NUTM2B: variants seen among roughly 807,000 people sequenced by gnomAD.
The protein encoded by NUTM2B is NUT family member 2B, also known as family with sequence similarity 22, member B.
NUTM2B carries 2 observed loss-of-function variants against 42.4 expected under a neutral mutation model. The observed-to-expected ratio is 0.05, with a 90% CI of 0.02 to 0.15. The LOEUF (loss-of-function observed/expected upper bound fraction) is 0.15. Ranked by LOEUF, NUTM2B falls within the 10% of genes least tolerant of loss-of-function variation. NUTM2B has a pLI of 1.00. For missense variants in NUTM2B, 58 were observed against 952.6 expected (o/e 0.06, Z 12.36); for synonymous variants, 18 against 402.4 (o/e 0.04, Z 11.43).
chr10:79,710,789 T>TCTGCTGGATTCCAGGGGC, intron 5 of NUTM2B, 25 bp downstream of exon 5: 1 of 1,194,470 alleles, frequency 8.4e-7, no homozygotes, highest in Non-Finnish European at 1.1e-6. Flanking sequence ...AGTGCTGGGG[T>TCTGCTGGATTCCAGGGGC]CTGCTGGATT....
chr10:79,698,851 G>A (rs539002015), upstream of NUTM2B, among the ~76,000 whole-genome samples: 4 of 150,560 alleles, frequency 2.7e-5, no homozygotes, highest in African/African-American at 7.3e-5. Flanking sequence ...AAATATACCC[G>A]CGATTAACTA....
upstream of NUTM2B, among the ~76,000 whole-genome samples, chr10:79,700,415 T>A (rs1335072046): frequency 1.2e-4 from 18 of 152,252 alleles, no homozygotes; most frequent in Admixed American, 3.3e-4. Flanking sequence ...ACTTTGAGGT[T>A]CCCACTGCAT....
At chr10:79,699,936 C>A (rs1292931932), upstream of NUTM2B, among the ~76,000 whole-genome samples, 2 of 152,372 alleles carry the variant, frequency 1.3e-5, no homozygotes, top group Admixed American at 1.3e-4. Context: ...ATCTTCCTGA[C>A]ATTCTCAAGT....
intron 3 of NUTM2B, among the ~76,000 whole-genome samples, chr10:79,709,380 C>T (rs1469585646): frequency 3.7e-5 from 5 of 135,648 alleles, no homozygotes; most frequent in African/African-American, 1.4e-4. Context: ...TCAGCTTTTG[C>T]TTCCTCCTGA....
At chr10:79,700,834 G>T (rs1437197228), upstream of NUTM2B, among the ~76,000 whole-genome samples, 1 of 152,192 alleles carries the variant, frequency 6.6e-6, no homozygotes, top group Non-Finnish European at 1.5e-5. Context: ...GGCAGGCCAG[G>T]AGCCCGCCCT....
chr10:79,700,738 G>C (rs572248462), upstream of NUTM2B, among the ~76,000 whole-genome samples: 4 of 152,230 alleles, frequency 2.6e-5, no homozygotes, highest in Non-Finnish European at 5.9e-5. Flanking sequence ...GCCATCAACC[G>C]CCGCAACCGG....
chr10:79,693,146 C>T, the NUTM2B span, among the ~76,000 whole-genome samples: 1 of 152,218 alleles, frequency 6.6e-6, no homozygotes, highest in Admixed American at 6.5e-5. Flanking sequence ...GCCCATTCTG[C>T]CTTCCCTGGT....
upstream of NUTM2B, among the ~76,000 whole-genome samples, chr10:79,699,475 C>T (rs576934511): frequency 1.1e-4 from 16 of 152,324 alleles, no homozygotes; most frequent in African/African-American, 3.8e-4. Flanking sequence ...TGGAGTCTCG[C>T]TCTGTTGCCC....
chr10:79,693,999 T>C, the NUTM2B span, among the ~76,000 whole-genome samples: 1 of 152,170 alleles, frequency 6.6e-6, no homozygotes, highest in Non-Finnish European at 1.5e-5. Context: ...GAGGAGGTGG[T>C]GGCTGTGGGG....
At chr10:79,695,207 C>G in the NUTM2B span, among the ~76,000 whole-genome samples, 1 of 152,124 alleles carries the variant, frequency 6.6e-6, no homozygotes, top group Non-Finnish European at 1.5e-5. Flanking sequence ...ATGCTTTCCA[C>G]AAGAAGTCAG....
the NUTM2B span, among the ~76,000 whole-genome samples, chr10:79,693,657 T>G: frequency 1.3e-5 from 2 of 152,346 alleles, no homozygotes; most frequent in Admixed American, 6.5e-5. Context: ...TGACTACCCA[T>G]TTCAAAACAA....
intron 5 of NUTM2B, 132 bp downstream of exon 5, chr10:79,710,896 G>A: frequency 7.7e-7 from 1 of 1,303,782 alleles, no homozygotes; most frequent in Non-Finnish European, 1.0e-6. Flanking sequence ...CTGTGTATGT[G>A]ATTGTGTGTG....
At chr10:79,709,687 C>T in intron 3 of NUTM2B, 113 bp from the exon 4 acceptor site, 3 of 1,153,632 alleles carry the variant, frequency 2.6e-6, no homozygotes, top group Non-Finnish European at 3.4e-6. Context: ...CAGTGAGGGC[C>T]TGGACAGCCC....
At chr10:79,696,179 C>T in the NUTM2B span, among the ~76,000 whole-genome samples, 27 of 147,852 alleles carry the variant, frequency 1.8e-4, no homozygotes, top group African/African-American at 6.5e-4. Flanking sequence ...GTGTTGCTAA[C>T]TGCTTAATAA....
At chr10:79,705,355 G>T (rs1204683680) in intron 1 of NUTM2B, among the ~76,000 whole-genome samples, 3 of 150,300 alleles carry the variant, frequency 2.0e-5, no homozygotes, top group Admixed American at 6.6e-5. Context: ...CTGAGTGGCA[G>T]CCGGGACCAT....
upstream of NUTM2B, among the ~76,000 whole-genome samples, chr10:79,702,128 C>T (rs1840323866): frequency 1.3e-5 from 2 of 151,286 alleles, no homozygotes; most frequent in South Asian, 2.1e-4. Context: ...AAAGTGTTTA[C>T]GGTTTGTTTT....
chr10:79,695,327 G>A, the NUTM2B span, among the ~76,000 whole-genome samples: 28 of 152,242 alleles, frequency 1.8e-4, no homozygotes, highest in Admixed American at 9.2e-4. Flanking sequence ...TTTTCTGTAC[G>A]GAACTTCAGA....
the NUTM2B span, among the ~76,000 whole-genome samples, chr10:79,697,634 G>A: frequency 1.4e-3 from 211 of 152,162 alleles, no homozygotes; most frequent in African/African-American, 4.9e-3. Flanking sequence ...AAACAGCTCA[G>A]TGGAATCAAA....
chr10:79,708,533 GATC>G (rs1840430668), intron 2 of NUTM2B, among the ~76,000 whole-genome samples, 163 bp from the exon 3 acceptor site: 1 of 135,874 alleles, frequency 7.4e-6, no homozygotes, highest in Non-Finnish European at 1.6e-5. Context: ...GTTGATGTTT[GATC>G]TTGGGGTTGT....
Sources: gnomAD v4.1 joint callset for allele counts (sites outside exome capture counted in the v4.1 genomes callset) on GRCh38, gnomAD v4.1.1 for gene constraint, MANE v1.5 for transcripts, NCBI Gene and HGNC (gene_info 2026-07-23, HGNC 2026-07-21) for gene names.